The following THSD7B variants were observed in gnomAD, a reference collection of about 807,000 sequenced individuals.
THSD7B encodes the protein thrombospondin type 1 domain containing 7B, also known as thrombospondin type-1 domain-containing protein 7B.
In THSD7B, 138 loss-of-function variants were observed where a neutral mutation model predicts 213.6. The observed-to-expected ratio is 0.65, with a 90% CI of 0.56 to 0.74. THSD7B has a LOEUF of 0.74. Among genes scored for constraint, THSD7B ranks in the 30% least tolerant of loss-of-function variants. The probability of loss-of-function intolerance (pLI) is 0.00; values close to 1 mark genes in which losing one functional copy is unlikely to be tolerated. For synonymous variants in THSD7B, 742 were observed against 687.0 expected (o/e 1.08, Z -1.25); for missense variants, 1,931 against 1,991.5 (o/e 0.97, Z 0.58).
intron 21 of THSD7B, among the ~76,000 whole-genome samples, chr2:137,650,346 G>A (rs186981431): frequency 2.0e-3 from 310 of 152,122 alleles, no homozygotes; most frequent in African/African-American, 7.2e-3. Flanking sequence ...TATAGCTATT[G>A]CAAATGAGAT....
intron 1 of THSD7B, among the ~76,000 whole-genome samples, chr2:136,792,489 G>C (rs143257220): frequency 1.7e-4 from 26 of 152,080 alleles, no homozygotes; most frequent in African/African-American, 6.3e-4. Context: ...ATAACTCCAA[G>C]TGTGAACCCT....
intron 2 of THSD7B, among the ~76,000 whole-genome samples, chr2:137,047,327 T>C (rs1025540159): frequency 6.6e-6 from 1 of 152,238 alleles, no homozygotes; most frequent in African/African-American, 2.4e-5. Flanking sequence ...TTGACTCTAC[T>C]GGGTATATAG....
chr2:136,844,596 A>G (rs1399683573), intron 1 of THSD7B, among the ~76,000 whole-genome samples: 2 of 152,086 alleles, frequency 1.3e-5, no homozygotes, highest in African/African-American at 4.8e-5. Context: ...GAAACTCATG[A>G]AAGGTAATTT....
intron 21 of THSD7B, among the ~76,000 whole-genome samples, chr2:137,648,642 G>A (rs1683081624): frequency 6.6e-6 from 1 of 152,092 alleles, no homozygotes; most frequent in Non-Finnish European, 1.5e-5. Context: ...GTGCACTTAG[G>A]TTGATTCCAT....
chr2:136,928,851 A>G (rs1256909528), intron 2 of THSD7B, among the ~76,000 whole-genome samples: 1 of 152,170 alleles, frequency 6.6e-6, no homozygotes, highest in Non-Finnish European at 1.5e-5. Flanking sequence ...TGCAAAAAGG[A>G]ATAAAAGCTA....
chr2:137,179,583 GC>G (rs1277302556), intron 7 of THSD7B, among the ~76,000 whole-genome samples: 9 of 150,704 alleles, frequency 6.0e-5, no homozygotes, highest in Admixed American at 5.3e-4. Flanking sequence ...AAAAAAAAAA[GC>G]CTTCCTAGAA....
intron 2 of THSD7B, among the ~76,000 whole-genome samples, chr2:136,916,880 C>T (rs1684358735): frequency 1.3e-5 from 2 of 152,134 alleles, no homozygotes; most frequent in African/African-American, 4.8e-5. Flanking sequence ...TCAATGGCTT[C>T]ATTCTTTAGT....
chr2:137,028,667 G>A (rs941271453), intron 2 of THSD7B, among the ~76,000 whole-genome samples: 6 of 152,226 alleles, frequency 3.9e-5, no homozygotes, highest in South Asian at 2.1e-4. Flanking sequence ...GCAATGCAAT[G>A]CCAGGAAATA....
chr2:137,151,387 A>G (rs946809211), intron 5 of THSD7B, among the ~76,000 whole-genome samples: 1 of 152,062 alleles, frequency 6.6e-6, no homozygotes, highest in Non-Finnish European at 1.5e-5. Flanking sequence ...CCCTAGGCCT[A>G]CGTAGGGTAA....
chr2:137,639,320 G>GGTGCA (rs2104859519), intron 20 of THSD7B, among the ~76,000 whole-genome samples: 1 of 152,258 alleles, frequency 6.6e-6, no homozygotes, highest in Non-Finnish European at 1.5e-5. Context: ...TGAGCCTGAG[G>GGTGCA]GTGCAAAGAA....
intron 17 of THSD7B, among the ~76,000 whole-genome samples, chr2:137,574,561 T>C (rs148836911): frequency 6.6e-6 from 1 of 152,260 alleles, no homozygotes; most frequent in Non-Finnish European, 1.5e-5. Flanking sequence ...TATAACAACA[T>C]TGCACTATGA....
chr2:136,904,250 C>T (rs987659835), intron 2 of THSD7B, among the ~76,000 whole-genome samples: 7 of 152,054 alleles, frequency 4.6e-5, no homozygotes, highest in African/African-American at 1.7e-4. Flanking sequence ...GCAGAGGTAA[C>T]CCACCCTGGG....
chr2:137,086,047 G>A (rs2195828), intron 3 of THSD7B, among the ~76,000 whole-genome samples: 4,073 of 152,228 alleles, frequency 0.027, 203 homozygotes, highest in African/African-American at 0.092. Flanking sequence ...AAAAATACAC[G>A]TTAGAAGTCT....
At chr2:136,890,400 C>CTT (rs1558840042) in intron 2 of THSD7B, among the ~76,000 whole-genome samples, 2 of 714 alleles carry the variant, frequency 2.8e-3, no homozygotes, top group African/African-American at 5.2e-3. Flanking sequence ...TCTTCCTCTT[C>CTT]CTCTTCCTCT....
At chr2:137,165,481 G>T (rs1242839780) in intron 6 of THSD7B, among the ~76,000 whole-genome samples, 1 of 152,000 alleles carries the variant, frequency 6.6e-6, no homozygotes, top group African/African-American at 2.4e-5. Context: ...GTGTGTATTA[G>T]GTCTGAGATC....
At chr2:137,163,257 A>T (rs1316812353) in intron 6 of THSD7B, among the ~76,000 whole-genome samples, 2 of 152,182 alleles carry the variant, frequency 1.3e-5, no homozygotes, top group African/African-American at 4.8e-5. Flanking sequence ...GTTGAATGGT[A>T]TGCCCCCAAA....
chr2:137,468,833 G>C (rs1177395963), intron 15 of THSD7B, among the ~76,000 whole-genome samples: 1 of 152,088 alleles, frequency 6.6e-6, no homozygotes, highest in Non-Finnish European at 1.5e-5. Flanking sequence ...GTCAGAGCTA[G>C]AAACCAGACA....
At position 137,294,600 on chromosome 2, in the gene THSD7B, A is replaced by G. The variant is rs538554572; in HGVS notation, c.2500+18574A>G. 6.0e-4 allele frequency among the ~76,000 whole-genome samples: 90 copies of G among 150,894 alleles called. 1 individual carries two copies. In the East Asian group the frequency reaches 0.011, roughly 19 times the overall value. On this transcript the variant is annotated intron_variant, in intron 12 of 27. Transcript: ENST00000409968. ...CTCCATCTCAAAAAAAAAAAAAAAAAAAAAGAAAGGGAGAGAGACCACATT... is the reference window on the plus strand; with the variant it reads ...CTCCATCTCAAAAAAAAAAAAAAAAGAAAAGAAAGGGAGAGAGACCACATT...
chr2:137,303,716 T>A lies in THSD7B; in HGVS notation c.2500+27690T>A, dbSNP rs865891081. 1.0e-3 allele frequency among the ~76,000 whole-genome samples: 128 copies of A among 128,614 alleles called. 12 individuals carry two copies. The highest frequency in any genetic ancestry group is 4.0e-3 in the African/African-American group (118 of 29,708). 84.4% of individuals were successfully genotyped at this position (128,614 alleles called of 152,430 possible). ...TATTTATATATATTTATATATATAT[T>A]TATATATATATTTATATATATATTT... On this transcript the variant is annotated intron_variant, in intron 12 of 27. Transcript: ENST00000409968.
Sources: allele counts gnomAD v4.1 joint callset (sites outside exome capture counted in the v4.1 genomes callset), GRCh38; gene constraint gnomAD v4.1.1; transcripts MANE v1.5; gene names NCBI Gene and HGNC (gene_info 2026-07-23, HGNC 2026-07-21).